TMEM106C: variants seen among roughly 807,000 people sequenced by gnomAD.
TMEM106C encodes endoplasmic reticulum membrane protein overexpressed in cancer.
A neutral mutation model predicts 30.8 loss-of-function variants in TMEM106C; 27 were observed. The observed-to-expected ratio is 0.88, with a 90% confidence interval of 0.65 to 1.21. TMEM106C has a LOEUF of 1.21. Ranked by LOEUF, TMEM106C falls within the 50% of genes most tolerant of loss-of-function variation. The pLI, the probability that TMEM106C is intolerant of heterozygous loss-of-function variation, is 0.00. For synonymous variants in TMEM106C, 123 were observed against 118.8 expected (o/e 1.04, Z -0.23); for missense variants, 288 against 307.8 (o/e 0.94, Z 0.48).
At chr12:47,966,467 G>T in intron 5 of TMEM106C, 1 of 694,466 alleles carries the variant, frequency 1.4e-6, no homozygotes, top group Non-Finnish European at 2.4e-6. Context: ...TACAAAATAA[G>T]AAGCAGCAGT....
At chr12:47,964,933 G>A (rs7358642) in intron 2 of TMEM106C, among the ~76,000 whole-genome samples, 1,583 of 152,298 alleles carry the variant, frequency 0.01, 34 homozygotes, top group African/African-American at 0.036. Flanking sequence ...CAGAAATTTA[G>A]AGCTGGTTAG....
At position 47,968,750 on chromosome 12, in the gene TMEM106C, CTT is replaced by C. The variant is rs59253051; in HGVS notation, c.*533_*534del. 1.4e-4 allele frequency: 21 copies of C among 150,128 alleles called. No individual in the cohort carries two copies. The highest frequency in any genetic ancestry group is 3.9e-4 in the South Asian group (2 of 5,172). 9.3% of individuals were successfully genotyped at this position (150,128 alleles called of 1,614,324 possible). A position where few individuals can be genotyped will look rare whatever the true frequency, so the allele number is the denominator to read the frequency against. ...GAAAAGAAAGAAAAAAGTGTGTTGG[CTT>C]TTTTTTTTTTTAGAAAGTTAGAATT... is the stretch of plus-strand genomic sequence containing the variant. On this transcript the variant is annotated 3_prime_UTR_variant, in exon 8 of 8. Coordinates refer to ENST00000429772, the MANE Select transcript of TMEM106C (RefSeq NM_001143842.2).
In TMEM106C at chr12:47,965,285, A is replaced by C. The variant is rs1431374443; in HGVS notation, c.191A>C (p.Gln64Pro). 1 of 1,613,836 alleles carries C rather than the reference A, an allele frequency of 6.2e-7. No homozygotes were observed. Among genetic ancestry groups the C allele is most frequent in the African/African-American group, 1.3e-5 (1 of 74,932 alleles). ...CQGTGYIPTE[Q>P]VNELVALIPH... ...TAATTGTTTGGCTCTTTTCTAGAGC[A>C]AGTAAATGAGTTGGTGGCTTTGATC... The change falls in exon 3 of 8, where the codon CAA becomes CCA. Residue 64 changes from glutamine to proline, a missense_variant. Gln to Pro is a moderately conservative substitution (Grantham distance 76, BLOSUM62 -1). Transcript: ENST00000429772.
At chr12:47,965,395 C>T (rs1938189665) in intron 3 of TMEM106C, 50 bp downstream of exon 3, 1 of 1,492,964 alleles carries the variant, frequency 6.7e-7, no homozygotes. Flanking sequence ...TCCCTAATCT[C>T]TTTCTGTATG....
chr12:47,968,156 T>C lies in TMEM106C; in HGVS notation c.680T>C (p.Ile227Thr). Residue 227 changes from isoleucine (I) to threonine (T), a missense_variant, in exon 8 of 8, where the codon ATT (isoleucine) becomes ACT (threonine). Coordinates refer to ENST00000429772, the MANE Select transcript of TMEM106C (RefSeq NM_001143842.2). ...AGAACTTCAGTGAAGATTTCATACA[T>C]TGGCCTCATGACCCAGAGCTCCTTG... is the stretch of plus-strand genomic sequence containing the variant. ...FMRTSVKISY[I>T]GLMTQSSLET... 6.2e-7 allele frequency: 1 copy of C among 1,613,842 alleles called. No homozygotes were observed. Among genetic ancestry groups the C allele is most frequent in the Non-Finnish European group, 8.5e-7 (1 of 1,179,694 alleles).
intron 2 of TMEM106C, chr12:47,964,911 G>T: frequency 3.7e-6 from 1 of 269,608 alleles, no homozygotes. Flanking sequence ...TAACAGTTTA[G>T]CTGGAGAGTC....
intron 6 of TMEM106C, 28 bp from the exon 7 acceptor site, chr12:47,967,176 AACTG>A (rs1413163084): frequency 8.1e-6 from 13 of 1,612,204 alleles, no homozygotes; most frequent in African/African-American, 6.7e-5. Context: ...AAAAAAAAAA[AACTG>A]ACTATTTCCA....
chr12:47,966,842 T>C (rs1592186631), intron 6 of TMEM106C, 110 bp downstream of exon 6: 6 of 1,130,316 alleles, frequency 5.3e-6, no homozygotes, highest in Non-Finnish European at 8.0e-6. Flanking sequence ...TTTTGACTTA[T>C]AGGTTCCCTG....
chr12:47,966,696 G>A lies in TMEM106C; in HGVS notation c.566G>A (p.Gly189Glu), dbSNP rs1158362504. The stretch of plus-strand genomic sequence containing the variant: ...TCTTATTTTCAGGTGAATTTTACCG[G>A]GAAGGCCGAGATGGGAGGACCGTTT... ...PRSEQLVNFT[G>E]KAEMGGPFSY... Residue 189 changes from glycine (G) to glutamate (E), a missense_variant, in exon 6 of 8, where the codon GGG (glycine) becomes GAG (glutamate). Gly to Glu is a moderately conservative substitution (Grantham distance 98). Coordinates refer to ENST00000429772, the MANE Select transcript of TMEM106C (RefSeq NM_001143842.2). The A allele has an allele frequency of 4.3e-6, 7 of 1,614,038 alleles. No homozygotes were observed. The Admixed American group carries it at 1.0e-4, about 23-fold the overall frequency.
chr12:47,964,997 G>C (rs1176667025), intron 2 of TMEM106C, among the ~76,000 whole-genome samples: 1 of 152,188 alleles, frequency 6.6e-6, no homozygotes, highest in African/African-American at 2.4e-5. Flanking sequence ...AGGAAACCAT[G>C]GCCTTGAGAG....
In TMEM106C at chr12:47,968,510, T is replaced by G; in HGVS notation, c.*281T>G. ...TTAATACAGATCTTTTCAGCTGTTCTTAGGGCATTATAAATGGAAATCATA... is the reference window on the plus strand; with the variant it reads ...TTAATACAGATCTTTTCAGCTGTTCGTAGGGCATTATAAATGGAAATCATA... On this transcript the variant is annotated 3_prime_UTR_variant, in exon 8 of 8. Transcript: ENST00000429772. The G allele has an allele frequency of 4.5e-6, 2 of 443,220 alleles. No homozygotes were observed. Among genetic ancestry groups the G allele is most frequent in the Non-Finnish European group, 8.5e-6 (2 of 234,746 alleles). 27.5% of individuals were successfully genotyped at this position (443,220 alleles called of 1,614,324 possible). A position where few individuals can be genotyped will look rare whatever the true frequency, so the allele number is the denominator to read the frequency against.
At chr12:47,967,337 TGAC>T in intron 7 of TMEM106C, 76 bp downstream of exon 7, 2 of 1,499,510 alleles carry the variant, frequency 1.3e-6, no homozygotes, top group Non-Finnish European at 9.3e-7. Flanking sequence ...GGCCCCTGTG[TGAC>T]CACAGGGCAG....
In TMEM106C at chr12:47,964,429, C is replaced by T; in HGVS notation, c.187+6C>T. On this transcript the variant is annotated splice_donor_region_variant and intron_variant, in intron 2 of 7. Coordinates refer to ENST00000429772, the MANE Select transcript of TMEM106C (RefSeq NM_001143842.2). ...GACAGGCTACATTCCAACAGGTGAT[C>T]ATGGAGGGATGATTCCCTGATGAGA... 1 of 1,613,512 alleles carries T rather than the reference C, an allele frequency of 6.2e-7. No homozygotes were observed.
At chr12:47,964,544 G>T in intron 2 of TMEM106C, 121 bp downstream of exon 2, 1 of 882,340 alleles carries the variant, frequency 1.1e-6, no homozygotes, top group Non-Finnish European at 1.8e-6. Flanking sequence ...CCCTGGACAG[G>T]AGCCAGCTCA....
intron 2 of TMEM106C, 36 bp from the exon 3 acceptor site, chr12:47,965,246 T>A: frequency 1.3e-6 from 2 of 1,590,214 alleles, no homozygotes; most frequent in Non-Finnish European, 8.6e-7. Flanking sequence ...TGCCAACACA[T>A]GGGATTTACA....
At chr12:47,967,456 C>G (rs1420964828) in intron 7 of TMEM106C, among the ~76,000 whole-genome samples, 195 bp downstream of exon 7, 2 of 152,232 alleles carry the variant, frequency 1.3e-5, no homozygotes, top group South Asian at 2.1e-4. Flanking sequence ...AATCACCAGT[C>G]ACCCTGAGCA....
At chr12:47,966,409 A>G in intron 5 of TMEM106C, 180 bp downstream of exon 5, 2 of 755,702 alleles carry the variant, frequency 2.6e-6, no homozygotes, top group East Asian at 2.7e-5. Flanking sequence ...AACAGCTATC[A>G]TTTAAGCATT....
At chr12:47,967,347 G>GGC in intron 7 of TMEM106C, 86 bp downstream of exon 7, 1 of 1,418,300 alleles carries the variant, frequency 7.1e-7, no homozygotes, top group Non-Finnish European at 1.0e-6. Context: ...TGACCACAGG[G>GGC]CAGAGGCACC....
rs200989544 is a variant in TMEM106C at position 47,967,266 on chromosome 12, G to A, written c.656+5G>A. 1.4e-4 allele frequency: 225 copies of A among 1,614,072 alleles called. No individual in the cohort carries two copies. The East Asian group carries it at 2.8e-3, about 20-fold the overall frequency. On this transcript the variant is annotated splice_donor_5th_base_variant and intron_variant, in intron 7 of 7. Coordinates refer to ENST00000429772, the MANE Select transcript of TMEM106C (RefSeq NM_001143842.2). The stretch of plus-strand genomic sequence containing the variant: ...CAACATAGTGATCTTCATGCGGTGC[G>A]TCTCTCTTCCCTATCCCGATGGCCT...
Sources: gnomAD v4.1 joint callset for allele counts (sites outside exome capture counted in the v4.1 genomes callset) on GRCh38, gnomAD v4.1.1 for gene constraint, MANE v1.5 for transcripts, NCBI Gene and HGNC (gene_info 2026-07-23, HGNC 2026-07-21) for gene names.